Variants in ERVK3-1 observed in about 807,000 individuals in gnomAD.
ERVK3-1 encodes the protein endogenous retrovirus group K3 member 1.
intron 2 of ERVK3-1, chr19:58,306,643 G>A (rs2051525605): frequency 6.6e-6 from 1 of 152,128 alleles, no homozygotes; most frequent in Admixed American, 6.5e-5. Context: ...TGATAAACAG[G>A]AGAGGGAGGA....
In ERVK3-1 at chr19:58,313,303, TTG is replaced by T. The variant is rs1307088840; in HGVS notation, c.294+842_294+843del. On this transcript the variant is annotated intron_variant, in intron 3 of 3. Transcript: ENST00000413518. The surrounding 1 kb of genome is among the most constrained non-coding windows in gnomAD (Gnocchi z 4.5). ...GTTTTTTGTTGTTGTTGTTAACTGT[TTG>T]AGATGGAGTCTCACTCTGTCGCCCA... Among the ~76,000 whole-genome samples, 2 of 152,212 alleles carry T rather than the reference TTG, an allele frequency of 1.3e-5. No homozygotes were observed. Among genetic ancestry groups the T allele is most frequent in the Non-Finnish European group, 2.9e-5 (2 of 68,050 alleles).
At chr19:58,309,211 C>G (rs2051542131) in intron 2 of ERVK3-1, 1 of 152,174 alleles carries the variant, frequency 6.6e-6, no homozygotes, top group African/African-American at 2.4e-5. Context: ...ATATGTTTTC[C>G]ACCACCTACA....
In ERVK3-1 at chr19:58,314,365, G is replaced by A. The variant is rs1279511493; in HGVS notation, c.295-383G>A. 4.0e-5 allele frequency among the ~76,000 whole-genome samples: 6 copies of A among 151,840 alleles called. 1 individual carries two copies. In the Middle Eastern group the frequency reaches 0.01, roughly 258 times the overall value. ...ACCCTGGCCGGGTGCGGTGGCTCAC[G>A]CCTATAATCCCAGCACTTTGGGAGG... On this transcript the variant is annotated intron_variant, in intron 3 of 3. Transcript: ENST00000413518.
exon 4 of ERVK3-1, chr19:58,315,615 A>G (rs1007805771): frequency 1.3e-5 from 2 of 152,052 alleles, no homozygotes; most frequent in African/African-American, 2.4e-5. Flanking sequence ...GTTGTTTCCA[A>G]CTCTCTGATA....
chr19:58,314,710 A>C (rs1254687363), intron 3 of ERVK3-1, 38 bp from the exon 4 acceptor site: 2 of 399,974 alleles, frequency 5.0e-6, no homozygotes, highest in Non-Finnish European at 8.8e-6. Context: ...AATAATTACA[A>C]GAATAATGTT....
intron 3 of ERVK3-1, among the ~76,000 whole-genome samples, chr19:58,314,349 G>T (rs58334499): frequency 6.6e-6 from 1 of 151,614 alleles, no homozygotes; most frequent in Admixed American, 6.6e-5. Flanking sequence ...AACCCTGGCC[G>T]GGTGCGGTGG....
chr19:58,312,587 C>T lies in ERVK3-1; in HGVS notation c.294+125C>T, dbSNP rs1156935643. ...TATTATGATCAGGGAGCGTGGGCACCAGGACCCCTAACTCCGTCTGACACA... is the reference window on the plus strand; with the variant it reads ...TATTATGATCAGGGAGCGTGGGCACTAGGACCCCTAACTCCGTCTGACACA... On this transcript the variant is annotated intron_variant, in intron 3 of 3. Coordinates refer to ENST00000413518, the Ensembl canonical transcript of ERVK3-1. The surrounding 1 kb of genome is among the most constrained non-coding windows in gnomAD (Gnocchi z 4.7). The T allele has an allele frequency of 5.0e-6, 2 of 398,310 alleles. No individual in the cohort carries two copies. The highest frequency in any genetic ancestry group is 8.9e-6 in the Non-Finnish European group (2 of 225,894). 24.7% of individuals were successfully genotyped at this position (398,310 alleles called of 1,614,324 possible). A position where few individuals can be genotyped will look rare whatever the true frequency, so the allele number is the denominator to read the frequency against.
In ERVK3-1 at chr19:58,310,880, CT is replaced by C. The variant is rs35996305; in HGVS notation, c.-3-1282del. On this transcript the variant is annotated intron_variant, in intron 2 of 3. Transcript: ENST00000413518. The surrounding 1 kb of genome is among the most constrained non-coding windows in gnomAD (Gnocchi z 4.7). The stretch of plus-strand genomic sequence containing the variant: ...AAGTAGCGGGTGTTGTTCCTTGACA[CT>C]TTTCGCTACCGCTAGACCACGGTCT... 3 of 407,076 alleles carry C rather than the reference CT, an allele frequency of 7.4e-6. No individual in the cohort carries two copies. The highest frequency in any genetic ancestry group is 1.7e-5 in the South Asian group (1 of 57,692). 25.2% of individuals were successfully genotyped at this position (407,076 alleles called of 1,614,324 possible).
intron 1 of ERVK3-1, 134 bp from the exon 2 acceptor site, chr19:58,305,954 C>T (rs2051520282): frequency 6.6e-6 from 1 of 152,210 alleles, no homozygotes. Flanking sequence ...TTCAGTCTAC[C>T]TAACAAATAT....
At chr19:58,307,488 GA>G (rs2051530950) in intron 2 of ERVK3-1, among the ~76,000 whole-genome samples, 1 of 152,136 alleles carries the variant, frequency 6.6e-6, no homozygotes. Context: ...GAACAAATCT[GA>G]AAAGGGCCAA....
exon 1 of ERVK3-1, chr19:58,305,439 C>G (rs149681693): frequency 1.3e-5 from 2 of 152,642 alleles, no homozygotes; most frequent in South Asian, 4.1e-4. Context: ...AGGAGGCTGC[C>G]ACAGTGGTGA....
rs1371631738 is a variant in ERVK3-1 at position 58,307,615 on chromosome 19, CT to C, written c.-4+1400del. Among the ~76,000 whole-genome samples the C allele has an allele frequency of 6.1e-4, 91 of 149,256 alleles. 6 individuals carry two copies. Among genetic ancestry groups the C allele is most frequent in the African/African-American group, 1.6e-3 (61 of 38,870 alleles). ...TCTTACAATGCAATACCGCCCCCCCCTCCCCGCCCCGCTCCCCCCAACACAC... is the reference window on the plus strand; with the variant it reads ...TCTTACAATGCAATACCGCCCCCCCCCCCCGCCCCGCTCCCCCCAACACAC... On this transcript the variant is annotated intron_variant, in intron 2 of 3. Coordinates refer to ENST00000413518, the Ensembl canonical transcript of ERVK3-1.
At chr19:58,307,228 C>T (rs1183585705) in intron 2 of ERVK3-1, among the ~76,000 whole-genome samples, 1 of 152,248 alleles carries the variant, frequency 6.6e-6, no homozygotes, top group Non-Finnish European at 1.5e-5. Flanking sequence ...ATGCAAAAAT[C>T]ACAGGAGCCC....
intron 2 of ERVK3-1, among the ~76,000 whole-genome samples, chr19:58,306,919 A>G (rs1351007279): frequency 1.3e-5 from 2 of 152,274 alleles, no homozygotes; most frequent in African/African-American, 4.8e-5. Flanking sequence ...TGTATTCAGC[A>G]CTATGCGCCT....
chr19:58,306,454 T>C (rs2051524352), intron 2 of ERVK3-1: 1 of 152,216 alleles, frequency 6.6e-6, no homozygotes, highest in Admixed American at 6.5e-5. Flanking sequence ...AGGAGAAAGA[T>C]TGAAACGAGC....
At chr19:58,309,781 G>A (rs548188321) in intron 2 of ERVK3-1, 4 of 152,074 alleles carry the variant, frequency 2.6e-5, no homozygotes, top group Non-Finnish European at 5.9e-5. Context: ...TCTTGCTTTA[G>A]TCACACAACT....
chr19:58,308,340 C>T (rs10153513), intron 2 of ERVK3-1, among the ~76,000 whole-genome samples: 5,151 of 152,298 alleles, frequency 0.034, 267 homozygotes, highest in African/African-American at 0.11. Context: ...AAACAATTGG[C>T]CCCTGCTACT....
exon 4 of ERVK3-1, chr19:58,315,545 TA>T (rs1458355142): frequency 2.0e-5 from 3 of 152,376 alleles, no homozygotes; most frequent in African/African-American, 7.2e-5. Context: ...TATGGCTGAA[TA>T]ATACTGCATT....
At chr19:58,305,422 C>G (rs2051515209) in exon 1 of ERVK3-1, 1 of 152,562 alleles carries the variant, frequency 6.6e-6, no homozygotes, top group East Asian at 1.9e-4. Context: ...GGCGGCTAGG[C>G]TCTCTGAGGA....
Sources: gnomAD v4.1 joint callset for allele counts (sites outside exome capture counted in the v4.1 genomes callset) on GRCh38, gnomAD v4.1.1 for gene constraint, Gnocchi (gnomAD v3.1) non-coding constraint, MANE v1.5 for transcripts, NCBI Gene and HGNC (gene_info 2026-07-23, HGNC 2026-07-21) for gene names.